ANK2: variants seen among roughly 807,000 people sequenced by gnomAD.
ANK2 encodes the protein ankyrin-2.
A neutral mutation model predicts 360.5 loss-of-function variants in ANK2; 83 were observed. The ratio of observed to expected loss-of-function variants is 0.23; its 90% confidence interval spans 0.19 to 0.28. ANK2 has a LOEUF of 0.28. ANK2 is among the 10% of genes least tolerant of loss of function. The probability of loss-of-function intolerance (pLI) is 1.00; values close to 1 mark genes in which losing one functional copy is unlikely to be tolerated. For missense variants in ANK2, 4,201 were observed against 4,795.7 expected, an observed-to-expected ratio of 0.88 and a Z score of 3.66; for synonymous variants, 1,740 against 1,759.5, an observed-to-expected ratio of 0.99 and a Z score of 0.28.
intron 2 of ANK2, among the ~76,000 whole-genome samples, chr4:113,021,001 T>C (rs1204105111): frequency 1.3e-5 from 2 of 151,926 alleles, no homozygotes; most frequent in Admixed American, 6.6e-5. Context: ...TTCACAGATA[T>C]TCATTTGTTA....
the ANK2 span, among the ~76,000 whole-genome samples, chr4:112,744,895 T>C: frequency 6.6e-6 from 1 of 152,264 alleles, no homozygotes; most frequent in South Asian, 2.1e-4. Flanking sequence ...GTCATCAGGT[T>C]AAACATATTT....
chr4:113,313,252 A>G (rs923243814), intron 24 of ANK2, among the ~76,000 whole-genome samples: 16 of 152,184 alleles, frequency 1.1e-4, no homozygotes, highest in African/African-American at 3.9e-4. Flanking sequence ...ATTGATGATA[A>G]TCTATGAACA....
At chr4:113,069,428 C>T (rs898564327) in intron 1 of ANK2, among the ~76,000 whole-genome samples, 1 of 152,122 alleles carries the variant, frequency 6.6e-6, no homozygotes, top group Non-Finnish European at 1.5e-5. Context: ...GTCATGAAGG[C>T]GGAGAGAAGA....
chr4:113,302,677 T>C, intron 22 of ANK2, 90 bp from the exon 23 acceptor site: 1 of 977,868 alleles, frequency 1.0e-6, no homozygotes, highest in Non-Finnish European at 1.6e-6. Context: ...GGCTTGCTGC[T>C]GCTGTTGAGT....
intron 2 of ANK2, among the ~76,000 whole-genome samples, chr4:113,026,171 A>G (rs1395109): frequency 0.86 from 130,752 of 152,166 alleles, 56,378 homozygotes; most frequent in East Asian, 0.98. Context: ...CAAATGCCCT[A>G]TTTAAAAAGG....
chr4:113,200,685 T>C (rs1011555548), intron 4 of ANK2, among the ~76,000 whole-genome samples: 5 of 152,234 alleles, frequency 3.3e-5, no homozygotes, highest in African/African-American at 1.2e-4. Flanking sequence ...TGCCTAGCAT[T>C]CCATGGTGTA....
At chr4:113,275,503 C>A (rs78383682) in intron 15 of ANK2, among the ~76,000 whole-genome samples, 1 of 152,094 alleles carries the variant, frequency 6.6e-6, no homozygotes, top group Non-Finnish European at 1.5e-5. Context: ...AGTACTTCAT[C>A]CAGGGAGAGG....
chr4:113,235,618 G>A (rs1164715412), intron 5 of ANK2, among the ~76,000 whole-genome samples: 2 of 151,804 alleles, frequency 1.3e-5, no homozygotes, highest in Admixed American at 6.6e-5. Flanking sequence ...TATTTTTAGA[G>A]GAGATGGGTT....
At chr4:113,197,999 T>A (rs976660185) in intron 3 of ANK2, among the ~76,000 whole-genome samples, 6 of 152,164 alleles carry the variant, frequency 3.9e-5, no homozygotes, top group Non-Finnish European at 7.4e-5. Flanking sequence ...CCCCACCATC[T>A]ATTATTTTTT....
At chr4:113,206,978 C>T (rs184491427) in intron 4 of ANK2, among the ~76,000 whole-genome samples, 4 of 152,116 alleles carry the variant, frequency 2.6e-5, no homozygotes, top group Admixed American at 1.3e-4. Context: ...GAGCTGAGAT[C>T]GCTGCACTGC....
the ANK2 span, among the ~76,000 whole-genome samples, chr4:112,709,496 C>T: frequency 6.6e-6 from 1 of 152,126 alleles, no homozygotes; most frequent in Non-Finnish European, 1.5e-5. Flanking sequence ...TGCCTGTAAT[C>T]CCAGCACTTT....
the ANK2 span, among the ~76,000 whole-genome samples, chr4:112,756,162 C>T: frequency 7.4e-5 from 11 of 148,158 alleles, no homozygotes; most frequent in Non-Finnish European, 1.2e-4. Context: ...GGTGTGAACC[C>T]GGGAGGCGGA....
At chr4:112,948,453 G>A (rs998955717) in intron 2 of ANK2, among the ~76,000 whole-genome samples, 3 of 151,944 alleles carry the variant, frequency 2.0e-5, no homozygotes, top group African/African-American at 7.3e-5. Context: ...AAGCTGGGTG[G>A]GCCCTGATGA....
chr4:113,362,378 G>A (rs75522590), intron 39 of ANK2, among the ~76,000 whole-genome samples: 2,190 of 152,146 alleles, frequency 0.014, 63 homozygotes, highest in African/African-American at 0.049. Flanking sequence ...ACCCACACAC[G>A]CATACACACA....
intron 2 of ANK2, among the ~76,000 whole-genome samples, chr4:112,966,565 T>A (rs571089065): frequency 1.3e-5 from 2 of 152,252 alleles, no homozygotes; most frequent in African/African-American, 4.8e-5. Flanking sequence ...TTTGTAACTG[T>A]TCTCAGAAAG....
intron 4 of ANK2, among the ~76,000 whole-genome samples, chr4:113,230,418 G>A (rs1337650320): frequency 6.6e-6 from 1 of 152,088 alleles, no homozygotes; most frequent in African/African-American, 2.4e-5. Context: ...GGGAGGCTGA[G>A]GCAGGAGGAT....
chr4:113,254,460 A>G (rs986130413), intron 10 of ANK2, among the ~76,000 whole-genome samples: 1 of 152,180 alleles, frequency 6.6e-6, no homozygotes, highest in African/African-American at 2.4e-5. Flanking sequence ...ATGAATGTTA[A>G]TTTTTCAAAG....
chr4:112,749,608 T>A, the ANK2 span, among the ~76,000 whole-genome samples: 1 of 152,184 alleles, frequency 6.6e-6, no homozygotes, highest in African/African-American at 2.4e-5. Flanking sequence ...TTGAGAACAG[T>A]CACAGCAGTG....
chr4:113,316,265 G>A (rs917214196), intron 24 of ANK2, among the ~76,000 whole-genome samples: 1 of 152,264 alleles, frequency 6.6e-6, no homozygotes, highest in East Asian at 1.9e-4. Context: ...TTATGTATGT[G>A]TTAACGCAAG....
Sources: allele counts gnomAD v4.1 joint callset (sites outside exome capture counted in the v4.1 genomes callset), GRCh38; gene constraint gnomAD v4.1.1; transcripts MANE v1.5; gene names NCBI Gene and HGNC (gene_info 2026-07-23, HGNC 2026-07-21).